The following TSHZ2 variants were observed in gnomAD, a reference collection of about 807,000 sequenced individuals.
TSHZ2 encodes teashirt homolog 2.
TSHZ2 carries 21 observed loss-of-function variants against 74.4 expected under a neutral mutation model. The ratio of observed to expected loss-of-function variants is 0.28; its 90% CI spans 0.20 to 0.41. The LOEUF is 0.41. TSHZ2 is among the 10% of genes least tolerant of loss of function. The probability of loss-of-function intolerance (pLI) is 1.00; values close to 1 mark genes in which losing one functional copy is unlikely to be tolerated. For synonymous variants in TSHZ2, 540 were observed against 515.3 expected, an observed-to-expected ratio of 1.05 and a Z score of -0.65; for missense variants, 1,244 against 1,293.5, an observed-to-expected ratio of 0.96 and a Z score of 0.59.
intron 2 of TSHZ2, among the ~76,000 whole-genome samples, chr20:53,345,989 G>T (rs1280594284): frequency 6.6e-6 from 1 of 152,138 alleles, no homozygotes; most frequent in Non-Finnish European, 1.5e-5. Context: ...GCACAAATGA[G>T]AAGAGCCAGC....
intron 2 of TSHZ2, among the ~76,000 whole-genome samples, chr20:53,265,509 G>A (rs2123747739): frequency 6.6e-6 from 1 of 152,320 alleles, no homozygotes; most frequent in South Asian, 2.1e-4. Context: ...CAGCCCCGCA[G>A]CGTTAACCTA....
chr20:53,167,953 G>C (rs1988101287), intron 1 of TSHZ2, among the ~76,000 whole-genome samples: 1 of 152,196 alleles, frequency 6.6e-6, no homozygotes, highest in Admixed American at 6.5e-5. Flanking sequence ...ATTTCTGTCT[G>C]ATTTTCTGAC....
At chr20:53,212,123 A>G (rs1417908261) in intron 1 of TSHZ2, among the ~76,000 whole-genome samples, 3 of 152,186 alleles carry the variant, frequency 2.0e-5, no homozygotes, top group African/African-American at 7.2e-5. Flanking sequence ...GGGGGCCCAG[A>G]CAGCACTGCT....
chr20:53,382,122 G>T (rs1328726226), intron 2 of TSHZ2, among the ~76,000 whole-genome samples: 3 of 152,106 alleles, frequency 2.0e-5, no homozygotes, highest in Non-Finnish European at 4.4e-5. Flanking sequence ...ATCTTTCCAT[G>T]CCCTCCCTAG....
chr20:53,479,022 G>A (rs570282658), intron 2 of TSHZ2, among the ~76,000 whole-genome samples: 25 of 152,000 alleles, frequency 1.6e-4, no homozygotes, highest in African/African-American at 5.1e-4. Flanking sequence ...AAAATTAGCC[G>A]GGTGTGGTGG....
At chr20:53,326,229 C>A (rs945254264) in intron 2 of TSHZ2, among the ~76,000 whole-genome samples, 2 of 152,198 alleles carry the variant, frequency 1.3e-5, no homozygotes, top group African/African-American at 2.4e-5. Context: ...ATTAGAGGAA[C>A]AATGACTTTT....
chr20:53,158,473 T>C (rs1295599084), intron 1 of TSHZ2, among the ~76,000 whole-genome samples: 1 of 150,740 alleles, frequency 6.6e-6, no homozygotes, highest in Non-Finnish European at 1.5e-5. Context: ...GGTGGGCTGA[T>C]AGTGGTGGAG....
At chr20:53,071,748 C>T (rs555274481) in intron 1 of TSHZ2, among the ~76,000 whole-genome samples, 1 of 152,114 alleles carries the variant, frequency 6.6e-6, no homozygotes, top group Admixed American at 6.6e-5. Context: ...GATCTTTTTC[C>T]TCTCCCCTGC....
At chr20:53,460,140 C>G (rs1299432969) in intron 2 of TSHZ2, among the ~76,000 whole-genome samples, 3 of 151,922 alleles carry the variant, frequency 2.0e-5, no homozygotes, top group Non-Finnish European at 4.4e-5. Context: ...TGGATAATAT[C>G]CTGCAGAGTG....
intron 1 of TSHZ2, among the ~76,000 whole-genome samples, chr20:53,228,648 CCAG>C: frequency 7.1e-6 from 1 of 140,606 alleles, no homozygotes; most frequent in African/African-American, 2.7e-5. Context: ...CCATTGGATG[CCAG>C]TGGCACCACC....
intron 2 of TSHZ2, among the ~76,000 whole-genome samples, chr20:53,276,456 T>C (rs1296667836): frequency 6.6e-6 from 1 of 152,110 alleles, no homozygotes; most frequent in Non-Finnish European, 1.5e-5. Context: ...GGATCACCAG[T>C]GAGGAACCAT....
intron 1 of TSHZ2, among the ~76,000 whole-genome samples, chr20:53,183,403 G>C (rs1403743321): frequency 6.6e-6 from 1 of 152,148 alleles, no homozygotes; most frequent in Non-Finnish European, 1.5e-5. Flanking sequence ...TATTAGCCTG[G>C]CCCATTCCCT....
At chr20:53,477,687 T>C (rs1986025551) in intron 2 of TSHZ2, among the ~76,000 whole-genome samples, 1 of 147,366 alleles carries the variant, frequency 6.8e-6, no homozygotes, top group Non-Finnish European at 1.5e-5. Context: ...AAAGAGCTTC[T>C]GCACAGCAAA....
At chr20:53,201,198 T>TGATATAACA (rs1280606091) in intron 1 of TSHZ2, among the ~76,000 whole-genome samples, 1 of 152,194 alleles carries the variant, frequency 6.6e-6, no homozygotes, top group Non-Finnish European at 1.5e-5. Context: ...TTTGGATTGC[T>TGATATAACA]GATATAACAC....
At chr20:53,005,337 C>CT (rs1982604315) in intron 1 of TSHZ2, among the ~76,000 whole-genome samples, 1 of 148,980 alleles carries the variant, frequency 6.7e-6, no homozygotes, top group Non-Finnish European at 1.5e-5. Context: ...AATAAATAAA[C>CT]AAATAAGCCA....
At chr20:53,033,864 C>T (rs866499965) in intron 1 of TSHZ2, among the ~76,000 whole-genome samples, 8 of 151,706 alleles carry the variant, frequency 5.3e-5, no homozygotes, top group South Asian at 4.2e-4. Flanking sequence ...TTCACCACGT[C>T]GGCCAGGTTA....
At chr20:53,280,367 C>T (rs1991031684) in intron 2 of TSHZ2, among the ~76,000 whole-genome samples, 2 of 152,148 alleles carry the variant, frequency 1.3e-5, no homozygotes, top group African/African-American at 4.8e-5. Flanking sequence ...AAAATTACAG[C>T]TTATAGCATA....
chr20:53,218,732 A>G (rs909892010), intron 1 of TSHZ2, among the ~76,000 whole-genome samples: 2 of 152,216 alleles, frequency 1.3e-5, no homozygotes, highest in African/African-American at 4.8e-5. Flanking sequence ...TCCTATAGTA[A>G]TGTCTCTCAA....
intron 2 of TSHZ2, among the ~76,000 whole-genome samples, chr20:53,334,546 C>T (rs1568872847): frequency 1.3e-5 from 2 of 152,202 alleles, no homozygotes; most frequent in African/African-American, 4.8e-5. Flanking sequence ...GTGAAGGGTC[C>T]GACCGGCAAT....
Sources: allele counts gnomAD v4.1 joint callset (sites outside exome capture counted in the v4.1 genomes callset), GRCh38; gene constraint gnomAD v4.1.1; transcripts MANE v1.5; gene names NCBI Gene and HGNC (gene_info 2026-07-23, HGNC 2026-07-21).